DDX6: variants seen among roughly 807,000 people sequenced by gnomAD.
DDX6 encodes the protein DEAD-box helicase 6, also known as probable ATP-dependent RNA helicase DDX6.
A neutral mutation model predicts 60.6 loss-of-function variants in DDX6; 7 were observed. The ratio of observed to expected loss-of-function variants is 0.12; its 90% CI spans 0.07 to 0.22. DDX6 has a LOEUF of 0.22. Ranked by LOEUF, DDX6 falls within the 10% of genes least tolerant of loss-of-function variation. DDX6 has a pLI of 1.00. For synonymous variants in DDX6, 207 were observed against 201.0 expected (o/e 1.03, Z -0.25); for missense variants, 270 against 589.9 (o/e 0.46, Z 5.62).
rs747932358 is a variant in DDX6, at chr11:118,786,200, T to C, written c.52A>G (p.Asn18Asp). 1 of 1,613,964 alleles carries C rather than the reference T, an allele frequency of 6.2e-7. No individual in the cohort carries two copies. The highest frequency in any genetic ancestry group is 1.1e-5 in the South Asian group (1 of 91,074). ...NPVIMGLSSQ[N>D]GQLRGPVKPT... ...TTCACAGGGCCTCTCAGCTGACCATTTTGACTGGACAGACCCATTATAACA... is the reference window on the plus strand; with the variant it reads ...TTCACAGGGCCTCTCAGCTGACCATCTTGACTGGACAGACCCATTATAACA... The change falls in exon 2 of 14, where the codon AAT (asparagine) becomes GAT (aspartate). Residue 18 changes from asparagine to aspartate, a missense_variant. Coordinates refer to ENST00000534980, the MANE Select transcript of DDX6 (RefSeq NM_004397.6).
At chr11:118,756,134 A>G in intron 11 of DDX6, 126 bp downstream of exon 11, 2 of 666,616 alleles carry the variant, frequency 3.0e-6, no homozygotes, top group Admixed American at 2.9e-5. Flanking sequence ...TCAACTTCAG[A>G]AATCCTAGAA....
At chr11:118,789,910 T>C (rs574038465) in intron 1 of DDX6, 38 of 151,678 alleles carry the variant, frequency 2.5e-4, no homozygotes, top group African/African-American at 8.4e-4. Flanking sequence ...GCAAGTTTTC[T>C]ACATTTTCAA....
intron 11 of DDX6, 104 bp from the exon 12 acceptor site, chr11:118,755,607 A>G: frequency 1.5e-6 from 1 of 659,744 alleles, no homozygotes; most frequent in East Asian, 2.7e-5. Context: ...AATTTAATTC[A>G]GTTATTCAAA....
At chr11:118,771,088 C>T (rs1555162466) in intron 4 of DDX6, among the ~76,000 whole-genome samples, 1 of 152,128 alleles carries the variant, frequency 6.6e-6, no homozygotes. Context: ...ACCCTGTCAC[C>T]TCAGGTTTTC....
rs1176130243 is a variant in DDX6 at position 118,751,094 on chromosome 11, GAAA to G, written c.*1008_*1010del. ...ATATATATATATATATATGAACCCA[GAAA>G]AAAAACTTATTTACAAAGTTATACA... is the stretch of plus-strand genomic sequence containing the variant. On this transcript the variant is annotated 3_prime_UTR_variant, in exon 14 of 14. Coordinates refer to ENST00000534980, the MANE Select transcript of DDX6 (RefSeq NM_004397.6). The G allele has an allele frequency of 2.6e-5, 1 of 38,568 alleles. No individual in the cohort carries two copies. The highest frequency in any genetic ancestry group is 7.1e-4 in the East Asian group (1 of 1,410). 2.4% of individuals were successfully genotyped at this position (38,568 alleles called of 1,614,324 possible). A position where few individuals can be genotyped will look rare whatever the true frequency, so the allele number is the denominator to read the frequency against.
In DDX6 at chr11:118,748,098, T is replaced by G. The variant is rs572515270; in HGVS notation, c.*4007A>C. On this transcript the variant is annotated 3_prime_UTR_variant, in exon 14 of 14. Transcript: ENST00000534980. ...TTTCCTGTTTCAAAAAAGGGAATAG[T>G]GACTTTGTTTTCTCCAGGCTCCCCT... 6.6e-6 allele frequency: 1 copy of G among 152,208 alleles called. No homozygotes were observed. The highest frequency in any genetic ancestry group is 2.1e-4 in the South Asian group (1 of 4,808). The allele number at this position is 152,208 out of a possible 1,614,324, so 9.4% of individuals were successfully genotyped here.
rs570422155 is a variant in DDX6, at chr11:118,749,725, G to A, written c.*2380C>T. 1 of 152,744 alleles carries A rather than the reference G, an allele frequency of 6.5e-6. No individual in the cohort carries two copies. Among genetic ancestry groups the A allele is most frequent in the African/African-American group, 2.4e-5 (1 of 41,582 alleles). The allele number at this position is 152,744 out of a possible 1,614,324, so 9.5% of individuals were successfully genotyped here. A position where few individuals can be genotyped will look rare whatever the true frequency, so the allele number is the denominator to read the frequency against. ...TGATCCCTCTTATCTCGCAAGAGGT[G>A]GGGGAGAAAGAGAGCTGCATCGGTA... On this transcript the variant is annotated 3_prime_UTR_variant, in exon 14 of 14. Coordinates refer to ENST00000534980, the MANE Select transcript of DDX6 (RefSeq NM_004397.6).
chr11:118,756,465 T>G, intron 10 of DDX6, 142 bp from the exon 11 acceptor site: 1 of 492,648 alleles, frequency 2.0e-6, no homozygotes, highest in Non-Finnish European at 3.5e-6. Context: ...CAAAACCAAA[T>G]GAGTTAAGTT....
chr11:118,755,841 CCT>C (rs1860948501), intron 11 of DDX6, among the ~76,000 whole-genome samples: 2 of 152,166 alleles, frequency 1.3e-5, no homozygotes, highest in Admixed American at 1.3e-4. Flanking sequence ...TGGTGAAATC[CCT>C]GTCTCTACCA....
intron 1 of DDX6, chr11:118,787,696 AAAC>A (rs1198552018): frequency 1.3e-5 from 2 of 152,164 alleles, no homozygotes; most frequent in Admixed American, 6.6e-5. Flanking sequence ...TTGTCCTTTA[AAAC>A]AATAAATGAA....
At chr11:118,780,649 AGT>A (rs1861866974) in intron 3 of DDX6, among the ~76,000 whole-genome samples, 2 of 152,154 alleles carry the variant, frequency 1.3e-5, no homozygotes, top group Admixed American at 6.5e-5. Flanking sequence ...CTGGTGGAAT[AGT>A]GTTATTTTTT....
At chr11:118,767,369 A>G (rs1388236237) in intron 5 of DDX6, among the ~76,000 whole-genome samples, 1 of 152,236 alleles carries the variant, frequency 6.6e-6, no homozygotes, top group Non-Finnish European at 1.5e-5. Flanking sequence ...GGAAGAAAAG[A>G]TAATTACAGA....
At chr11:118,753,762 A>G (rs1860866878) in intron 13 of DDX6, among the ~76,000 whole-genome samples, 3 of 152,184 alleles carry the variant, frequency 2.0e-5, no homozygotes, top group Non-Finnish European at 4.4e-5. Flanking sequence ...TAAATGCTAA[A>G]AACATTTTAC....
chr11:118,777,385 T>C (rs565883062), intron 4 of DDX6, among the ~76,000 whole-genome samples: 4 of 152,100 alleles, frequency 2.6e-5, no homozygotes, highest in Non-Finnish European at 4.4e-5. Flanking sequence ...TATATGTACG[T>C]GTATATTTAT....
Position 118,748,835 on chromosome 11 carries a change from T to TG in DDX6, c.*3269_*3270insC, listed in dbSNP as rs1860650915. 1.3e-5 allele frequency: 2 copies of TG among 151,952 alleles called. No individual in the cohort carries two copies. Among genetic ancestry groups the TG allele is most frequent in the Non-Finnish European group, 2.9e-5 (2 of 68,008 alleles). 9.4% of individuals were successfully genotyped at this position (151,952 alleles called of 1,614,324 possible). A position where few individuals can be genotyped will look rare whatever the true frequency, so the allele number is the denominator to read the frequency against. On this transcript the variant is annotated 3_prime_UTR_variant, in exon 14 of 14. Coordinates refer to ENST00000534980, the MANE Select transcript of DDX6 (RefSeq NM_004397.6). ...ATACTCAAGGCTTTGTGCTGAGTTG[T>TG]CGTTTGAACCAAGCATGATGTTATC...
intron 10 of DDX6, 108 bp from the exon 11 acceptor site, chr11:118,756,431 T>A: frequency 1.3e-6 from 1 of 760,628 alleles, no homozygotes; most frequent in Non-Finnish European, 2.1e-6. Context: ...TGTTTATAAG[T>A]GATCCATGAT....
At chr11:118,779,998 C>T (rs1861836592) in intron 3 of DDX6, among the ~76,000 whole-genome samples, 1 of 150,564 alleles carries the variant, frequency 6.6e-6, no homozygotes, top group Non-Finnish European at 1.5e-5. Flanking sequence ...CGCCTGTAGT[C>T]GCAGCTACTT....
intron 13 of DDX6, among the ~76,000 whole-genome samples, chr11:118,753,113 C>G (rs1488978812): frequency 6.6e-6 from 1 of 152,190 alleles, no homozygotes; most frequent in Non-Finnish European, 1.5e-5. Context: ...ACTGCAACCT[C>G]TGCCTCCCAG....
chr11:118,769,866 G>A (rs372993666), intron 4 of DDX6, among the ~76,000 whole-genome samples: 1 of 151,786 alleles, frequency 6.6e-6, no homozygotes, highest in Non-Finnish European at 1.5e-5. Flanking sequence ...CACCACACCC[G>A]GCTAATTTTT....
Sources: gnomAD v4.1 joint callset for allele counts (sites outside exome capture counted in the v4.1 genomes callset) on GRCh38, gnomAD v4.1.1 for gene constraint, MANE v1.5 for transcripts, NCBI Gene and HGNC (gene_info 2026-07-23, HGNC 2026-07-21) for gene names.